CLMN: variants seen among roughly 807,000 people sequenced by gnomAD.
The protein encoded by CLMN is calmin.
A neutral mutation model predicts 92.7 loss-of-function variants in CLMN; 57 were observed. The observed-to-expected ratio is 0.61, with a 90% CI of 0.50 to 0.77. The LOEUF (loss-of-function observed/expected upper bound fraction) is 0.77. Among genes scored for constraint, CLMN ranks in the 30% least tolerant of loss-of-function variants. The probability of loss-of-function intolerance (pLI) is 0.00; values close to 1 mark genes in which losing one functional copy is unlikely to be tolerated. For synonymous variants in CLMN, 466 were observed against 470.6 expected (o/e 0.99, Z 0.13); for missense variants, 1,158 against 1,237.5 (o/e 0.94, Z 0.96).
intron 7 of CLMN, among the ~76,000 whole-genome samples, chr14:95,209,860 G>A (rs1432898631): frequency 6.6e-6 from 1 of 152,208 alleles, no homozygotes; most frequent in Non-Finnish European, 1.5e-5. Context: ...CAACTTCACA[G>A]AGATAGCCAA....
chr14:95,193,690 C>T lies in CLMN; in HGVS notation c.2840+159G>A, dbSNP rs553746180. ...TTCCTTTCTACTCATATTCAATTTACATCATTTTCTCTGGAATAGTTATTT... is the reference window on the plus strand; with the variant it reads ...TTCCTTTCTACTCATATTCAATTTATATCATTTTCTCTGGAATAGTTATTT... On this transcript the variant is annotated intron_variant, in intron 12 of 12. Coordinates refer to ENST00000298912, the MANE Select transcript of CLMN (RefSeq NM_024734.4). Among the ~76,000 whole-genome samples, 516 of 152,300 alleles carry T rather than the reference C, an allele frequency of 3.4e-3. 2 individuals are homozygous for T. The highest frequency in any genetic ancestry group is 0.012 in the African/African-American group (506 of 41,560).
At position 95,202,839 on chromosome 14, in the gene CLMN, T is replaced by A. The variant is rs751464945; in HGVS notation, c.2510A>T (p.Gln837Leu). 1 of 1,525,746 alleles carries A rather than the reference T, an allele frequency of 6.6e-7. No homozygotes were observed. The highest frequency in any genetic ancestry group is 2.3e-5 in the East Asian group (1 of 44,148). The allele number at this position is 1,525,746 out of a possible 1,614,324, so 94.5% of individuals were successfully genotyped here. Residue 837 changes from glutamine to leucine, a missense_variant and splice_region_variant, in exon 9 of 13, where the codon CAG (glutamine) becomes CTG (leucine). By Grantham distance (113) the Gln-to-Leu change is moderately radical. Coordinates refer to ENST00000298912, the MANE Select transcript of CLMN (RefSeq NM_024734.4). ...TKENDPMDSH[Q>L]SQESPNLENI... ...TTCCCAAATCCCACGGTTGAGTACC[T>A]GATGGCTGTCCATGGGGTCATTCTC...
At chr14:95,281,262 T>A (rs1950619) in intron 1 of CLMN, among the ~76,000 whole-genome samples, 32,715 of 152,130 alleles carry the variant, frequency 0.22, 4,048 homozygotes, top group African/African-American at 0.34. Flanking sequence ...GTCTAAGCTG[T>A]CACCGCTTAT....
chr14:95,261,066 C>A (rs963693296), intron 1 of CLMN, among the ~76,000 whole-genome samples: 1 of 152,056 alleles, frequency 6.6e-6, no homozygotes, highest in East Asian at 1.9e-4. Context: ...TGTAACTCAT[C>A]CCTGAACGAA....
Position 95,188,976 on chromosome 14 carries a change from C to CAAAAAAAA in CLMN, c.*2587_*2588insTTTTTTTT. On this transcript the variant is annotated 3_prime_UTR_variant, in exon 13 of 13. Transcript: ENST00000298912. ...CCTCAGGAAGTTATTAAAGAATGTG[C>CAAAAAAAA]CACACCAAAAAAAAAAAAAAAGTAA... The CAAAAAAAA allele has an allele frequency of 7.1e-6, 1 of 140,740 alleles. No individual in the cohort carries two copies. The allele number at this position is 140,740 out of a possible 1,614,324, so 8.7% of individuals were successfully genotyped here.
At chr14:95,225,304 A>G (rs1897676106) in intron 2 of CLMN, among the ~76,000 whole-genome samples, 1 of 152,218 alleles carries the variant, frequency 6.6e-6, no homozygotes, top group Admixed American at 6.5e-5. Context: ...CTTGATAGCA[A>G]CTTGGCCTTG....
At chr14:95,206,028 C>T (rs1466487154) in intron 8 of CLMN, among the ~76,000 whole-genome samples, 5 of 152,140 alleles carry the variant, frequency 3.3e-5, no homozygotes, top group Admixed American at 6.6e-5. Context: ...CAAGACCCAA[C>T]TGTATACTGT....
At chr14:95,250,788 G>A (rs895677610) in intron 1 of CLMN, among the ~76,000 whole-genome samples, 1 of 152,150 alleles carries the variant, frequency 6.6e-6, no homozygotes, top group Non-Finnish European at 1.5e-5. Flanking sequence ...ACGAATGCAG[G>A]GGACTAAGGC....
At chr14:95,244,286 G>A (rs139796325) in intron 1 of CLMN, among the ~76,000 whole-genome samples, 74 of 152,242 alleles carry the variant, frequency 4.9e-4, no homozygotes, top group Middle Eastern at 3.4e-3. Flanking sequence ...AATGCCTCCC[G>A]GGATGAGGTG....
At chr14:95,245,189 TATATAA>T (rs1898429141) in intron 1 of CLMN, among the ~76,000 whole-genome samples, 2 of 38,084 alleles carry the variant, frequency 5.3e-5, no homozygotes, top group African/African-American at 1.2e-4. Flanking sequence ...TATATATATA[TATATAA>T]TATATATATA....
At chr14:95,289,792 C>G (rs896666217) in intron 1 of CLMN, among the ~76,000 whole-genome samples, 1 of 152,130 alleles carries the variant, frequency 6.6e-6, no homozygotes, top group African/African-American at 2.4e-5. Flanking sequence ...CTCTTAGGAG[C>G]TGGCCATTCA....
rs1436268848 is a variant in CLMN at position 95,238,889 on chromosome 14, A to G, written c.83-8756T>C. Among the ~76,000 whole-genome samples, 3 of 152,314 alleles carry G rather than the reference A, an allele frequency of 2.0e-5. No homozygotes were observed. In the East Asian group the frequency reaches 5.8e-4, roughly 29 times the overall value. ...CCGCTTCTCAGCTGCTCCAAAACAC[A>G]TAACCCAGGGCTCCAAAGAGCTAGT... is the stretch of plus-strand genomic sequence containing the variant. On this transcript the variant is annotated intron_variant, in intron 1 of 12. Transcript: ENST00000298912.
At chr14:95,318,146 C>A (rs1901876845) in intron 1 of CLMN, among the ~76,000 whole-genome samples, 1 of 152,180 alleles carries the variant, frequency 6.6e-6, no homozygotes, top group Non-Finnish European at 1.5e-5. Flanking sequence ...TTGCACGAAG[C>A]ATTGGTTAGT....
chr14:95,204,230 T>C lies in CLMN; in HGVS notation c.1119A>G (p.Ser373=), dbSNP rs1442502461. Residue 373 remains serine, a synonymous_variant, in exon 9 of 13, where the codon TCA becomes TCG. Coordinates refer to ENST00000298912, the MANE Select transcript of CLMN (RefSeq NM_024734.4). ...RLDGVSSHAL[S]DSSTEFMHQI... is the part of the protein sequence containing the mutation. ...GGTGCATGAACTCGGTGGAGCTGTC[T>C]GACAGCGCATGGCTGGAAACACCAT... The C allele has an allele frequency of 1.9e-6, 3 of 1,613,926 alleles. No individual in the cohort carries two copies. Among genetic ancestry groups the C allele is most frequent in the Non-Finnish European group, 2.5e-6 (3 of 1,180,002 alleles).
intron 6 of CLMN, among the ~76,000 whole-genome samples, chr14:95,212,979 A>G (rs1353644474): frequency 6.6e-6 from 1 of 152,042 alleles, no homozygotes; most frequent in African/African-American, 2.4e-5. Context: ...TAGTAGAGAC[A>G]GGGTTTCACC....
At chr14:95,200,178 C>T (rs1896836918) in intron 9 of CLMN, among the ~76,000 whole-genome samples, 2 of 152,036 alleles carry the variant, frequency 1.3e-5, no homozygotes, top group African/African-American at 2.4e-5. Flanking sequence ...AGAACTTCCT[C>T]CCCAGTTCTA....
At chr14:95,273,057 C>T (rs1469464167) in intron 1 of CLMN, among the ~76,000 whole-genome samples, 3 of 152,154 alleles carry the variant, frequency 2.0e-5, no homozygotes, top group Non-Finnish European at 2.9e-5. Flanking sequence ...CATATGCATG[C>T]CTACACCCTC....
At chr14:95,207,158 T>C (rs541096497) in intron 8 of CLMN, among the ~76,000 whole-genome samples, 1 of 152,354 alleles carries the variant, frequency 6.6e-6, no homozygotes, top group East Asian at 1.9e-4. Context: ...CGTGTATACA[T>C]TGTAAAATGA....
intron 10 of CLMN, 129 bp downstream of exon 10, chr14:95,196,369 G>A: frequency 1.1e-6 from 1 of 894,636 alleles, no homozygotes; most frequent in Non-Finnish European, 1.7e-6. Flanking sequence ...TGAGGATTGT[G>A]TATGAAGCTG....
Sources: allele counts gnomAD v4.1 joint callset (sites outside exome capture counted in the v4.1 genomes callset), GRCh38; gene constraint gnomAD v4.1.1; transcripts MANE v1.5; gene names NCBI Gene and HGNC (gene_info 2026-07-23, HGNC 2026-07-21).